MCC: variants seen among roughly 807,000 people sequenced by gnomAD.
The protein encoded by MCC is colorectal mutant cancer protein.
MCC carries 90 observed loss-of-function variants against 116.2 expected under a neutral mutation model. That is an observed-to-expected ratio of 0.77 (90% CI 0.65 to 0.92). The LOEUF (loss-of-function observed/expected upper bound fraction) is 0.92, where lower values mean the gene tolerates loss of function less well. Among genes scored for constraint, MCC ranks in the 40% least tolerant of loss-of-function variants. MCC has a pLI of 0.00. For missense variants in MCC, 1,516 were observed against 1,312.2 expected, an observed-to-expected ratio of 1.16 and a Z score of -2.40; for synonymous variants, 578 against 510.5, an observed-to-expected ratio of 1.13 and a Z score of -1.78.
At chr5:113,381,179 G>C (rs932227032) in intron 2 of MCC, among the ~76,000 whole-genome samples, 1 of 152,174 alleles carries the variant, frequency 6.6e-6, no homozygotes, top group Non-Finnish European at 1.5e-5. Flanking sequence ...GAAGTGGGCA[G>C]ATTCTGGCTA....
intron 13 of MCC, among the ~76,000 whole-genome samples, chr5:113,066,260 C>A (rs1753595952): frequency 6.6e-6 from 1 of 152,158 alleles, no homozygotes. Context: ...TTAAGACACT[C>A]CGCTGATAAC....
At chr5:113,269,201 C>T (rs1765521989) in intron 3 of MCC, 2 of 985,250 alleles carry the variant, frequency 2.0e-6, no homozygotes, top group African/African-American at 3.5e-5. Context: ...GGCAAGTTCC[C>T]TCCCTGGCGT....
chr5:113,049,230 G>C lies in MCC; in HGVS notation c.2518C>G (p.Leu840Val). The change falls in exon 16 of 19, where the codon CTG becomes GTG. Residue 840 changes from leucine to valine, a missense_variant. Physicochemically the swap from Leu to Val is conservative, Grantham distance 32. Coordinates refer to ENST00000408903, the MANE Select transcript of MCC (RefSeq NM_001085377.2). ...EKEKKALELK[L>V]STREAQEQAY... ...TGCTCCTGGGCCTCCCGCGTGCTCAGCTTCAGCTCCAGGGCCTTCTTCTCT... is the reference window on the plus strand; with the variant it reads ...TGCTCCTGGGCCTCCCGCGTGCTCACCTTCAGCTCCAGGGCCTTCTTCTCT... 6.2e-7 allele frequency: 1 copy of C among 1,613,828 alleles called. No individual in the cohort carries two copies. The highest frequency in any genetic ancestry group is 1.1e-5 in the South Asian group (1 of 90,972).
chr5:113,132,507 T>A (rs1450484504), intron 5 of MCC, among the ~76,000 whole-genome samples: 2 of 150,072 alleles, frequency 1.3e-5, no homozygotes, highest in African/African-American at 5.0e-5. Flanking sequence ...CAAGAAAATA[T>A]GCACAGCCTA....
chr5:113,416,433 A>C (rs1473225537), intron 1 of MCC, among the ~76,000 whole-genome samples: 2 of 152,208 alleles, frequency 1.3e-5, no homozygotes, highest in East Asian at 3.8e-4. Context: ...TCTCTTAAAA[A>C]AAAAAGTGGC....
At chr5:113,163,868 T>C (rs1760635536) in intron 3 of MCC, among the ~76,000 whole-genome samples, 1 of 152,206 alleles carries the variant, frequency 6.6e-6, no homozygotes, top group Admixed American at 6.5e-5. Context: ...AATATCTAAC[T>C]AGAAAGAAGT....
At chr5:113,269,031 A>C (rs969170251) in intron 3 of MCC, 33 of 366,390 alleles carry the variant, frequency 9.0e-5, no homozygotes, top group African/African-American at 7.3e-4. Flanking sequence ...AATGGCAGCA[A>C]AAGTTAGAAA....
At chr5:113,320,016 T>C (rs1561522470) in intron 3 of MCC, among the ~76,000 whole-genome samples, 1 of 152,230 alleles carries the variant, frequency 6.6e-6, no homozygotes, top group Non-Finnish European at 1.5e-5. Context: ...AGTACCAAGA[T>C]CATCACCATA....
At chr5:113,237,792 T>C (rs890763234) in intron 3 of MCC, among the ~76,000 whole-genome samples, 1 of 152,232 alleles carries the variant, frequency 6.6e-6, no homozygotes, top group East Asian at 1.9e-4. Context: ...AGAGCTTTGA[T>C]GTTGGCTGGA....
chr5:113,086,758 C>A (rs1415095943), intron 8 of MCC, among the ~76,000 whole-genome samples: 2 of 152,218 alleles, frequency 1.3e-5, no homozygotes, highest in Admixed American at 1.3e-4. Context: ...GCGGTCCTTA[C>A]AAATGGACAT....
chr5:113,209,591 G>A (rs1247989486), intron 3 of MCC, among the ~76,000 whole-genome samples: 1 of 152,162 alleles, frequency 6.6e-6, no homozygotes, highest in South Asian at 2.1e-4. Context: ...AATTTCTTCT[G>A]GGAAAATATT....
At chr5:113,471,938 C>G (rs1333910303) in intron 1 of MCC, among the ~76,000 whole-genome samples, 1 of 152,098 alleles carries the variant, frequency 6.6e-6, no homozygotes, top group African/African-American at 2.4e-5. Flanking sequence ...GAGTGAGACT[C>G]CGTGGGCGTG....
At chr5:113,468,123 G>A (rs1771969056) in intron 1 of MCC, among the ~76,000 whole-genome samples, 1 of 152,176 alleles carries the variant, frequency 6.6e-6, no homozygotes, top group Non-Finnish European at 1.5e-5. Flanking sequence ...CATGTCATCT[G>A]CAAACAGGGA....
At chr5:113,192,761 G>T (rs1476390917) in intron 3 of MCC, among the ~76,000 whole-genome samples, 3 of 152,106 alleles carry the variant, frequency 2.0e-5, no homozygotes, top group African/African-American at 7.2e-5. Context: ...TTCTCCATAG[G>T]TTTATCAACT....
intron 3 of MCC, among the ~76,000 whole-genome samples, chr5:113,312,092 C>A (rs946107692): frequency 2.6e-5 from 4 of 151,698 alleles, no homozygotes; most frequent in Non-Finnish European, 2.9e-5. Flanking sequence ...GCTGACAGAG[C>A]GAGACTCCAT....
chr5:113,094,029 T>C (rs113832445), intron 8 of MCC, among the ~76,000 whole-genome samples: 140 of 152,300 alleles, frequency 9.2e-4, no homozygotes, highest in African/African-American at 3.2e-3. Flanking sequence ...ATGCAGTTAG[T>C]CCCTGTGTAG....
At chr5:113,416,994 G>T (rs1267616849) in intron 1 of MCC, among the ~76,000 whole-genome samples, 2 of 131,994 alleles carry the variant, frequency 1.5e-5, no homozygotes, top group Admixed American at 8.1e-5. Context: ...TTTTTGAGAC[G>T]GAGTCTTGCT....
intron 1 of MCC, among the ~76,000 whole-genome samples, chr5:113,406,610 T>A (rs17135608): frequency 0.19 from 28,193 of 152,178 alleles, 3,138 homozygotes; most frequent in Admixed American, 0.31. Context: ...AATTAAACCA[T>A]CTTTTTTTTC....
chr5:113,438,614 G>A (rs1233760862), intron 1 of MCC, among the ~76,000 whole-genome samples: 6 of 151,986 alleles, frequency 3.9e-5, no homozygotes, highest in Non-Finnish European at 7.4e-5. Flanking sequence ...CTACTCCATT[G>A]GGCCCAAGTT....
Sources: gnomAD v4.1 joint callset for allele counts (sites outside exome capture counted in the v4.1 genomes callset) on GRCh38, gnomAD v4.1.1 for gene constraint, MANE v1.5 for transcripts, NCBI Gene and HGNC (gene_info 2026-07-23, HGNC 2026-07-21) for gene names.